The following COL24A1 variants were observed in gnomAD, a reference collection of about 807,000 sequenced individuals.
The protein encoded by COL24A1 is collagen alpha-1(XXIV) chain.
COL24A1 carries 224 observed loss-of-function variants against 253.9 expected under a neutral mutation model. The observed-to-expected ratio is 0.88, with a 90% CI of 0.79 to 0.99. COL24A1 has a LOEUF of 0.99. Ranked by LOEUF, COL24A1 falls within the 50% of genes least tolerant of loss-of-function variation. COL24A1 has a pLI of 0.00. For synonymous variants in COL24A1, 685 were observed against 673.7 expected (o/e 1.02, Z -0.26); for missense variants, 2,131 against 2,068.5 (o/e 1.03, Z -0.59).
chr1:85,935,729 A>C (rs1230681859), intron 24 of COL24A1, among the ~76,000 whole-genome samples: 1 of 146,992 alleles, frequency 6.8e-6, no homozygotes, highest in Non-Finnish European at 1.5e-5. Context: ...CAGTTTATTA[A>C]TTCGGGAGCA....
At chr1:85,875,242 G>A (rs1466428535) in intron 34 of COL24A1, 35 bp downstream of exon 34, 1 of 1,590,622 alleles carries the variant, frequency 6.3e-7, no homozygotes, top group East Asian at 2.2e-5. Context: ...AATGGTGAAA[G>A]TTTAGAGATT....
At chr1:85,804,955 T>C (rs558464000) in intron 47 of COL24A1, among the ~76,000 whole-genome samples, 1 of 152,256 alleles carries the variant, frequency 6.6e-6, no homozygotes, top group African/African-American at 2.4e-5. Context: ...CAAGCAATCC[T>C]ACTTCTTCAA....
chr1:85,815,405 C>T (rs1000535527), intron 47 of COL24A1, among the ~76,000 whole-genome samples: 2 of 152,056 alleles, frequency 1.3e-5, no homozygotes, highest in East Asian at 1.9e-4. Context: ...AAAGTCTATA[C>T]AATATTTATT....
Position 86,025,876 on chromosome 1 carries a change from A to G in COL24A1, c.2050-2869T>C, listed in dbSNP as rs543181813. 4.0e-5 allele frequency among the ~76,000 whole-genome samples: 6 copies of G among 151,860 alleles called. No individual in the cohort carries two copies. In the South Asian group the frequency reaches 1.2e-3, roughly 32 times the overall value. On this transcript the variant is annotated intron_variant, in intron 14 of 59. Coordinates refer to ENST00000370571, the MANE Select transcript of COL24A1 (RefSeq NM_152890.7). ...AGAAAGCTTTTCCCCCTTTCACCCC[A>G]CCCCATTCATATACAATCTTCAAGA...
chr1:85,814,253 C>T (rs1278580916), intron 47 of COL24A1, among the ~76,000 whole-genome samples: 1 of 152,118 alleles, frequency 6.6e-6, no homozygotes, highest in Non-Finnish European at 1.5e-5. Context: ...CTTGTGTATT[C>T]TAGATAGAGC....
chr1:85,995,518 T>G (rs1375388527), intron 19 of COL24A1, among the ~76,000 whole-genome samples: 2 of 152,222 alleles, frequency 1.3e-5, no homozygotes. Context: ...CTGGCCATTA[T>G]TTGATATTTA....
At position 86,125,222 on chromosome 1, in the gene COL24A1, T is replaced by C; in HGVS notation, c.1114A>G (p.Asn372Asp). ...TGTTGTGTGATATTGTCAGACATGT[T>C]TAGGAGAGAGCTAAATTTCTCTTTG... ...NTKEKFSSLL[N>D]MSDNITQHDD... Residue 372 changes from asparagine to aspartate, a missense_variant, in exon 3 of 60, where the codon AAC (asparagine) becomes GAC (aspartate). By Grantham distance (23) the Asn-to-Asp change is conservative. Coordinates refer to ENST00000370571, the MANE Select transcript of COL24A1 (RefSeq NM_152890.7). 1 of 1,613,598 alleles carries C rather than the reference T, an allele frequency of 6.2e-7. No individual in the cohort carries two copies. Among genetic ancestry groups the C allele is most frequent in the Non-Finnish European group, 8.5e-7 (1 of 1,179,764 alleles).
At chr1:85,879,709 C>T (rs2102641650) in intron 32 of COL24A1, among the ~76,000 whole-genome samples, 1 of 152,210 alleles carries the variant, frequency 6.6e-6, no homozygotes, top group Non-Finnish European at 1.5e-5. Flanking sequence ...ATACTGTATT[C>T]TTAAGTGGAA....
intron 52 of COL24A1, among the ~76,000 whole-genome samples, chr1:85,777,870 G>A (rs944583358): frequency 6.6e-6 from 1 of 152,052 alleles, no homozygotes; most frequent in African/African-American, 2.4e-5. Flanking sequence ...ATTTAGGTGA[G>A]TGTCTTTTTA....
At chr1:86,014,373 T>C (rs1445072645) in intron 19 of COL24A1, among the ~76,000 whole-genome samples, 1 of 152,218 alleles carries the variant, frequency 6.6e-6, no homozygotes, top group African/African-American at 2.4e-5. Context: ...GGGGTGAGTT[T>C]CCAGGTGTAG....
chr1:85,805,120 G>C (rs6677315), intron 47 of COL24A1, among the ~76,000 whole-genome samples: 53,416 of 152,046 alleles, frequency 0.35, 10,289 homozygotes, highest in Non-Finnish European at 0.43. Context: ...GGGATTACAG[G>C]CATGAGCCAC....
intron 20 of COL24A1, among the ~76,000 whole-genome samples, chr1:85,976,897 G>A (rs1417356296): frequency 6.6e-6 from 1 of 152,188 alleles, no homozygotes; most frequent in African/African-American, 2.4e-5. Flanking sequence ...TCTGTTCACT[G>A]CTAGCATAAC....
In COL24A1 at chr1:85,833,559, G is replaced by A. The variant is rs541448312; in HGVS notation, c.3681+5026C>T. ...CAACCATTGTGGAAGTCAGTGTGGC[G>A]ATTCCTCAGGGATCTAGAACTACAA... is the stretch of plus-strand genomic sequence containing the variant. On this transcript the variant is annotated intron_variant, in intron 43 of 59. Coordinates refer to ENST00000370571, the MANE Select transcript of COL24A1 (RefSeq NM_152890.7). Among the ~76,000 whole-genome samples the A allele has an allele frequency of 2.0e-3, 306 of 152,252 alleles. 1 individual carries two copies. Among genetic ancestry groups the A allele is most frequent in the African/African-American group, 6.8e-3 (284 of 41,538 alleles).
rs1286701599 is a variant in COL24A1 at position 85,823,728 on chromosome 1, C to G, written c.3692G>C (p.Gly1231Ala). The change falls in exon 44 of 60, where the codon GGT (glycine) becomes GCT (alanine). Residue 1231 changes from glycine to alanine, a missense_variant. Transcript: ENST00000370571. Reference sequence around the variant, plus strand: ...AGTGGCACCTCTTAGTCCTGGTACACCCACATGGCCCTAGAAATAGAAAAG... The same window carrying G: ...AGTGGCACCTCTTAGTCCTGGTACAGCCACATGGCCCTAGAAATAGAAAAG... ...PGAEGYKGHV[G>A]VPGLRGATGQ... 3 of 1,613,512 alleles carry G rather than the reference C, an allele frequency of 1.9e-6. No individual in the cohort carries two copies. The highest frequency in any genetic ancestry group is 2.5e-6 in the Non-Finnish European group (3 of 1,179,622).
chr1:85,893,760 G>T (rs970728185), intron 31 of COL24A1, among the ~76,000 whole-genome samples: 26 of 152,022 alleles, frequency 1.7e-4, no homozygotes, highest in African/African-American at 6.0e-4. Context: ...GATGGAGAGG[G>T]TCTTAGAGCT....
At chr1:85,799,472 G>A (rs774692470) in intron 47 of COL24A1, among the ~76,000 whole-genome samples, 1 of 150,610 alleles carries the variant, frequency 6.6e-6, no homozygotes, top group Non-Finnish European at 1.5e-5. Flanking sequence ...ATTTAGAAAT[G>A]GTCTTATTTC....
chr1:86,027,438 G>C (rs546961454), intron 14 of COL24A1, among the ~76,000 whole-genome samples: 1 of 152,148 alleles, frequency 6.6e-6, no homozygotes, highest in East Asian at 1.9e-4. Context: ...AGGACTTGGT[G>C]CCCTGAATCC....
intron 24 of COL24A1, among the ~76,000 whole-genome samples, chr1:85,945,019 T>TTTG (rs1218939516): frequency 2.7e-4 from 20 of 73,376 alleles, no homozygotes; most frequent in South Asian, 7.1e-4. Flanking sequence ...TTTTTTTTTT[T>TTTG]TTTTTTTTTT....
intron 7 of COL24A1, among the ~76,000 whole-genome samples, chr1:86,068,161 C>T (rs1226690451): frequency 1.3e-5 from 2 of 152,226 alleles, no homozygotes; most frequent in African/African-American, 2.4e-5. Context: ...ACTATCCACA[C>T]ACAGAAAACC....
Sources: allele counts gnomAD v4.1 joint callset (sites outside exome capture counted in the v4.1 genomes callset), GRCh38; gene constraint gnomAD v4.1.1; transcripts MANE v1.5; gene names NCBI Gene and HGNC (gene_info 2026-07-23, HGNC 2026-07-21).